The following RTN1 variants were observed in gnomAD, a reference collection of about 807,000 sequenced individuals.
RTN1 encodes the protein reticulon 1, also known as reticulon-1.
RTN1 carries 25 observed loss-of-function variants against 65.5 expected under a neutral mutation model. The observed-to-expected ratio is 0.38, with a 90% CI of 0.28 to 0.53. RTN1 has a LOEUF of 0.53. Ranked by LOEUF, RTN1 falls within the 20% of genes least tolerant of loss-of-function variation. RTN1 has a pLI of 0.79. For missense variants in RTN1, 983 were observed against 1,025.4 expected (o/e 0.96, Z 0.57); for synonymous variants, 471 against 447.6 (o/e 1.05, Z -0.66).
chr14:59,769,688 T>G (rs994948209), intron 1 of RTN1, among the ~76,000 whole-genome samples: 1 of 152,234 alleles, frequency 6.6e-6, no homozygotes, highest in South Asian at 2.1e-4. Flanking sequence ...CTTTATCACG[T>G]AACAGTCTAC....
rs1040820405 is a variant in RTN1, at chr14:59,816,371, A to C, written c.241+54019T>G. On this transcript the variant is annotated intron_variant, in intron 1 of 8. Coordinates refer to ENST00000267484, the MANE Select transcript of RTN1 (RefSeq NM_021136.3). This position sits in a 1 kb window ranked among gnomAD's most constrained non-coding sequence, Gnocchi z 4.3. ...ACTTTGTCCATTTCTCTACCACTAC[A>C]GTTGACCATATGGTAACAAGGCTAA... is the stretch of plus-strand genomic sequence containing the variant. Among the ~76,000 whole-genome samples the C allele has an allele frequency of 9.9e-5, 15 of 152,144 alleles. No individual in the cohort carries two copies. Among genetic ancestry groups the C allele is most frequent in the African/African-American group, 3.4e-4 (14 of 41,420 alleles).
chr14:59,870,698 T>C lies in RTN1; in HGVS notation c.-68A>G. On this transcript the variant is annotated 5_prime_UTR_variant, in exon 1 of 9. Transcript: ENST00000267484. This position sits in a 1 kb window ranked among gnomAD's most constrained non-coding sequence, Gnocchi z 5.1. Reference sequence around the variant, plus strand: ...AGAGGCTCGGTGGCTGCGCGGGCGCTCCCTGCTGCTGTCCCCGGAGGGACT... The same window carrying C: ...AGAGGCTCGGTGGCTGCGCGGGCGCCCCCTGCTGCTGTCCCCGGAGGGACT... The C allele has an allele frequency of 1.5e-6, 2 of 1,300,222 alleles. No homozygotes were observed. Among genetic ancestry groups the C allele is most frequent in the Non-Finnish European group, 1.9e-6 (2 of 1,031,156 alleles). The allele number at this position is 1,300,222 out of a possible 1,614,324, so 80.5% of individuals were successfully genotyped here. A position where few individuals can be genotyped will look rare whatever the true frequency, so the allele number is the denominator to read the frequency against.
chr14:59,663,382 G>C (rs961855837), intron 3 of RTN1, among the ~76,000 whole-genome samples: 14 of 152,078 alleles, frequency 9.2e-5, no homozygotes, highest in Non-Finnish European at 1.9e-4. Flanking sequence ...AAAAACCCTA[G>C]AAGAAAACCT....
rs1345665820 is a variant in RTN1 at position 59,606,125 on chromosome 14, T to TATATATATATATATATATATAA, written c.1974-620_1974-619insTTATATATATATATATATATAT. 24 of 111,474 alleles carry TATATATATATATATATATATAA rather than the reference T, an allele frequency of 2.2e-4. 1 individual carries two copies. The highest frequency in any genetic ancestry group is 9.2e-4 in the African/African-American group (24 of 26,072). 6.9% of individuals were successfully genotyped at this position (111,474 alleles called of 1,614,324 possible). On this transcript the variant is annotated intron_variant, in intron 4 of 8. Coordinates refer to ENST00000267484, the MANE Select transcript of RTN1 (RefSeq NM_021136.3). ...CATGATATATATATATATATATATA[T>TATATATATATATATATATATAA]ATCATACCAGCTTAAGCCTCCTCTG... is the stretch of plus-strand genomic sequence containing the variant.
At chr14:59,750,199 T>C (rs1208943570) in intron 1 of RTN1, among the ~76,000 whole-genome samples, 1 of 60,626 alleles carries the variant, frequency 1.6e-5, no homozygotes, top group Non-Finnish European at 2.6e-5. Flanking sequence ...ATATTATATC[T>C]ATAATATATA....
At chr14:59,630,593 C>T in intron 3 of RTN1, 1 of 1,592,744 alleles carries the variant, frequency 6.3e-7, no homozygotes, top group Non-Finnish European at 8.5e-7. Flanking sequence ...TGCGGCTGGG[C>T]TCGCAGTGGC....
At chr14:59,746,901 T>C (rs1014591187) in intron 1 of RTN1, among the ~76,000 whole-genome samples, 1 of 152,142 alleles carries the variant, frequency 6.6e-6, no homozygotes, top group Non-Finnish European at 1.5e-5. Flanking sequence ...ACTGCAACAA[T>C]AGGATAGCTG....
rs1880873434 is a variant in RTN1, at chr14:59,803,295, C to G, written c.242-56814G>C. ...ACGGAGGTCACAATTGAACAAATGC[C>G]TTTACAAGCTAAGAATTCAATCCAG... On this transcript the variant is annotated intron_variant, in intron 1 of 8. Transcript: ENST00000267484. This position sits in a 1 kb window ranked among gnomAD's most constrained non-coding sequence, Gnocchi z 5.6. 6.6e-6 allele frequency among the ~76,000 whole-genome samples: 1 copy of G among 152,144 alleles called. No homozygotes were observed. Among genetic ancestry groups the G allele is most frequent in the Non-Finnish European group, 1.5e-5 (1 of 68,030 alleles).
chr14:59,617,138 G>A (rs1200026798), intron 3 of RTN1, among the ~76,000 whole-genome samples: 1 of 152,172 alleles, frequency 6.6e-6, no homozygotes, highest in African/African-American at 2.4e-5. Context: ...AAGTGAAATG[G>A]CACGCTTCCT....
intron 3 of RTN1, among the ~76,000 whole-genome samples, chr14:59,653,023 G>A (rs73309626): frequency 7.2e-4 from 110 of 152,156 alleles, no homozygotes; most frequent in African/African-American, 2.6e-3. Flanking sequence ...CATAATCCTG[G>A]AAAATGTCCC....
intron 8 of RTN1, 30 bp downstream of exon 8, chr14:59,603,035 T>C (rs1283541258): frequency 1.9e-6 from 3 of 1,590,798 alleles, no homozygotes; most frequent in Non-Finnish European, 2.6e-6. Context: ...AGAGAGTCTC[T>C]CCTTTTATGC....
At chr14:59,664,349 G>A (rs1883317313) in intron 3 of RTN1, among the ~76,000 whole-genome samples, 1 of 152,132 alleles carries the variant, frequency 6.6e-6, no homozygotes, top group South Asian at 2.1e-4. Flanking sequence ...GATAGCATTA[G>A]GAGAAATACC....
intron 6 of RTN1, among the ~76,000 whole-genome samples, chr14:59,603,526 CA>C (rs1881645929): frequency 6.6e-6 from 1 of 150,980 alleles, no homozygotes; most frequent in African/African-American, 2.4e-5. Context: ...TCTCCCCTCC[CA>C]AGATGAAAAT....
chr14:59,728,249 C>CTTTTTTTT (rs200434592), intron 2 of RTN1, among the ~76,000 whole-genome samples: 3 of 124,162 alleles, frequency 2.4e-5, no homozygotes, highest in African/African-American at 6.0e-5. Flanking sequence ...GAATCAGTAT[C>CTTTTTTTT]TTTTTTTTTT....
intron 5 of RTN1, chr14:59,605,165 G>A: frequency 2.0e-6 from 1 of 506,592 alleles, no homozygotes; most frequent in Non-Finnish European, 3.3e-6. Context: ...GGCAACCCTG[G>A]ACAAATGTCT....
rs894627849 is a variant in RTN1 at position 59,820,776 on chromosome 14, C to T, written c.241+49614G>A. Among the ~76,000 whole-genome samples, 15 of 152,278 alleles carry T rather than the reference C, an allele frequency of 9.9e-5. 1 individual carries two copies. Among genetic ancestry groups the T allele is most frequent in the Admixed American group, 6.5e-4 (10 of 15,288 alleles). On this transcript the variant is annotated intron_variant, in intron 1 of 8. Coordinates refer to ENST00000267484, the MANE Select transcript of RTN1 (RefSeq NM_021136.3). ...AGCTTTGAGTGGGGATATAGTCAAA[C>T]TTTATCATATGCTATTGTCAACTTT...
intron 3 of RTN1, among the ~76,000 whole-genome samples, chr14:59,613,145 G>C (rs1014138231): frequency 2.6e-5 from 4 of 152,196 alleles, no homozygotes; most frequent in African/African-American, 7.2e-5. Flanking sequence ...GAAGCACCTA[G>C]GAGGTTACCT....
Position 59,694,802 on chromosome 14 carries a change from G to C in RTN1, c.1765+32117C>G, listed in dbSNP as rs566719976. ...GTAGTTTGACAAGGAGTTTACACTA[G>C]CTACTTGTTTCCTCCCCAAACCCAA... On this transcript the variant is annotated intron_variant, in intron 3 of 8. Coordinates refer to ENST00000267484, the MANE Select transcript of RTN1 (RefSeq NM_021136.3). Among the ~76,000 whole-genome samples, 7 of 152,270 alleles carry C rather than the reference G, an allele frequency of 4.6e-5. No individual in the cohort carries two copies. In the East Asian group the frequency reaches 5.8e-4, roughly 13 times the overall value.
intron 3 of RTN1, chr14:59,630,723 C>T: frequency 8.9e-7 from 1 of 1,120,000 alleles, no homozygotes; most frequent in Non-Finnish European, 1.1e-6. Context: ...CCCGGAGCCG[C>T]CTGCGCGCAT....
Sources: gnomAD v4.1 joint callset for allele counts (sites outside exome capture counted in the v4.1 genomes callset) on GRCh38, gnomAD v4.1.1 for gene constraint, Gnocchi (gnomAD v3.1) non-coding constraint, MANE v1.5 for transcripts, NCBI Gene and HGNC (gene_info 2026-07-23, HGNC 2026-07-21) for gene names.